The following KIAA1549L variants were observed in gnomAD, a reference collection of about 807,000 sequenced individuals.
KIAA1549L encodes KIAA1549 like.
A neutral mutation model predicts 160.7 loss-of-function variants in KIAA1549L; 88 were observed. That is an observed-to-expected ratio of 0.55 (90% confidence interval 0.46 to 0.65). The LOEUF is 0.65. Ranked by LOEUF, KIAA1549L falls within the 30% of genes least tolerant of loss-of-function variation. The pLI is 0.00. For synonymous variants in KIAA1549L, 950 were observed against 976.7 expected (o/e 0.97, Z 0.51); for missense variants, 2,258 against 2,437.5 (o/e 0.93, Z 1.55).
chr11:33,409,561 A>G (rs919938930), intron 1 of KIAA1549L, among the ~76,000 whole-genome samples: 1 of 152,184 alleles, frequency 6.6e-6, no homozygotes, highest in African/African-American at 2.4e-5. Context: ...CCCCAGAATC[A>G]AGTAAGAAGG....
chr11:33,487,347 G>T (rs537856258), intron 1 of KIAA1549L, among the ~76,000 whole-genome samples: 36 of 152,086 alleles, frequency 2.4e-4, no homozygotes, highest in Non-Finnish European at 4.4e-4. Context: ...CCCACTAGGT[G>T]GGGGGCAGGT....
chr11:33,407,424 C>G (rs1230760252), intron 1 of KIAA1549L, among the ~76,000 whole-genome samples: 1 of 152,220 alleles, frequency 6.6e-6, no homozygotes, highest in East Asian at 1.9e-4. Context: ...TCACTGCAAC[C>G]TCTGCCTCCC....
chr11:33,402,655 T>C (rs981029887), intron 1 of KIAA1549L, among the ~76,000 whole-genome samples: 3 of 152,212 alleles, frequency 2.0e-5, no homozygotes, highest in Non-Finnish European at 4.4e-5. Context: ...ATCAGAGGAT[T>C]CCATATAAGG....
chr11:33,418,548 CA>C (rs1850932828), intron 1 of KIAA1549L, among the ~76,000 whole-genome samples: 1 of 152,190 alleles, frequency 6.6e-6, no homozygotes, highest in African/African-American at 2.4e-5. Flanking sequence ...TGAGATAGAA[CA>C]CCCCAACGTA....
chr11:33,545,418 G>C, intron 3 of KIAA1549L, 40 bp downstream of exon 3: 2 of 1,561,766 alleles, frequency 1.3e-6, no homozygotes, highest in Non-Finnish European at 1.7e-6. Flanking sequence ...AGCAAGCCTG[G>C]CCTCAGAGAT....
At chr11:33,501,518 G>C (rs1590292312) in intron 1 of KIAA1549L, among the ~76,000 whole-genome samples, 1 of 152,174 alleles carries the variant, frequency 6.6e-6, no homozygotes, top group East Asian at 1.9e-4. Flanking sequence ...ACATAGAGTG[G>C]TGAACAAGAA....
intron 20 of KIAA1549L, among the ~76,000 whole-genome samples, chr11:33,662,049 A>G (rs1202351566): frequency 5.3e-5 from 8 of 152,216 alleles, no homozygotes; most frequent in Admixed American, 2.0e-4. Context: ...CTCCTCCGTT[A>G]AAAGAGTATA....
intron 14 of KIAA1549L, among the ~76,000 whole-genome samples, chr11:33,608,293 T>G (rs1232601556): frequency 6.6e-6 from 1 of 152,244 alleles, no homozygotes; most frequent in Non-Finnish European, 1.5e-5. Context: ...CAATAAGCAC[T>G]TTGATGATGA....
chr11:33,425,761 C>CA (rs917362551), intron 1 of KIAA1549L, among the ~76,000 whole-genome samples: 1 of 152,104 alleles, frequency 6.6e-6, no homozygotes, highest in Non-Finnish European at 1.5e-5. Flanking sequence ...CTACTTTAGC[C>CA]AAATAAAGTA....
At chr11:33,389,275 TACCAGGTGTCAACAGCAA>T (rs1217732840) in intron 1 of KIAA1549L, among the ~76,000 whole-genome samples, 11 of 152,208 alleles carry the variant, frequency 7.2e-5, no homozygotes, top group African/African-American at 2.7e-4. Context: ...CCTTTTTATT[TACCAGGTGTCAACAGCAA>T]ACCCAAGAAG....
intron 1 of KIAA1549L, among the ~76,000 whole-genome samples, chr11:33,507,662 C>T (rs1476987186): frequency 6.6e-6 from 1 of 152,108 alleles, no homozygotes; most frequent in Non-Finnish European, 1.5e-5. Flanking sequence ...TAGAGATACT[C>T]CTCCCTACCT....
chr11:33,456,083 C>T (rs1851815231), intron 1 of KIAA1549L, among the ~76,000 whole-genome samples: 1 of 152,120 alleles, frequency 6.6e-6, no homozygotes, highest in Non-Finnish European at 1.5e-5. Context: ...GCCAAGGGGA[C>T]TCTTCTTTAC....
intron 14 of KIAA1549L, among the ~76,000 whole-genome samples, chr11:33,608,629 A>G (rs1336691328): frequency 6.6e-6 from 1 of 152,270 alleles, no homozygotes; most frequent in Non-Finnish European, 1.5e-5. Context: ...TGTGCATGTC[A>G]TAGAGACAGA....
At chr11:33,448,025 A>G (rs1290357175) in intron 1 of KIAA1549L, among the ~76,000 whole-genome samples, 4 of 152,138 alleles carry the variant, frequency 2.6e-5, no homozygotes, top group African/African-American at 9.7e-5. Context: ...TGCAAGACAA[A>G]AGCATCTTCT....
chr11:33,585,327 T>A (rs1040473266), intron 11 of KIAA1549L, among the ~76,000 whole-genome samples: 4 of 152,172 alleles, frequency 2.6e-5, no homozygotes, highest in African/African-American at 9.7e-5. Context: ...GAGACTAGCC[T>A]GACCAACATG....
chr11:33,596,678 G>T (rs1378656201), intron 12 of KIAA1549L, among the ~76,000 whole-genome samples: 3 of 152,236 alleles, frequency 2.0e-5, no homozygotes, highest in Non-Finnish European at 2.9e-5. Flanking sequence ...AACGGAGGTT[G>T]CAGTGAGCCG....
In KIAA1549L at chr11:33,647,739, A is replaced by T. The variant is rs75251225; in HGVS notation, c.5760+1703A>T. On this transcript the variant is annotated intron_variant, in intron 17 of 20. Coordinates refer to ENST00000658780, the MANE Select transcript of KIAA1549L (RefSeq NM_012194.3). ...AGCCAGATCAAGTCTTCCAACAGGT[A>T]AGAAGATGCGATGGCCCATAGCCAT... Among the ~76,000 whole-genome samples the T allele has an allele frequency of 8.1e-4, 124 of 152,228 alleles. 4 individuals carry two copies. The East Asian group carries it at 0.016, about 20-fold the overall frequency.
chr11:33,435,786 A>ATGTGTGTGTGTGTGTG lies in KIAA1549L; in HGVS notation c.238+58898_238+58899insGTGTGTGTGTGTGTGT, dbSNP rs1287703565. Among the ~76,000 whole-genome samples, 56 of 18,958 alleles carry ATGTGTGTGTGTGTGTG rather than the reference A, an allele frequency of 3.0e-3. 1 individual carries two copies. Among genetic ancestry groups the ATGTGTGTGTGTGTGTG allele is most frequent in the Non-Finnish European group, 2.9e-3 (37 of 12,748 alleles). The allele number at this position is 18,958 out of a possible 152,430, so 12.4% of individuals were successfully genotyped here. On this transcript the variant is annotated intron_variant, in intron 1 of 20. Transcript: ENST00000658780. ...TATATATATATATATATATATATATATATATATATATATATATATATATAT... is the reference window on the plus strand; with the variant it reads ...TATATATATATATATATATATATATATGTGTGTGTGTGTGTGTATATATATATATATATATATATAT...
intron 1 of KIAA1549L, among the ~76,000 whole-genome samples, chr11:33,436,633 T>C (rs1359826010): frequency 6.6e-6 from 1 of 152,236 alleles, no homozygotes; most frequent in Non-Finnish European, 1.5e-5. Context: ...AGGTAGGTAT[T>C]GTTTTTATTA....
Sources: allele counts gnomAD v4.1 joint callset (sites outside exome capture counted in the v4.1 genomes callset), GRCh38; gene constraint gnomAD v4.1.1; transcripts MANE v1.5; gene names NCBI Gene and HGNC (gene_info 2026-07-23, HGNC 2026-07-21).